KLHL29: variants seen among roughly 807,000 people sequenced by gnomAD.
KLHL29 encodes the protein kelch-like protein 29.
KLHL29 carries 21 observed loss-of-function variants against 80.4 expected under a neutral mutation model. The observed-to-expected ratio is 0.26, with a 90% confidence interval of 0.19 to 0.38. The LOEUF is 0.38. KLHL29 is among the 10% of genes least tolerant of loss of function. The probability of loss-of-function intolerance (pLI) is 1.00; values close to 1 mark genes in which losing one functional copy is unlikely to be tolerated. For synonymous variants in KLHL29, 511 were observed against 526.8 expected (o/e 0.97, Z 0.41); for missense variants, 867 against 1,223.9 (o/e 0.71, Z 4.35).
At chr2:23,433,695 C>A (rs560901728) in intron 1 of KLHL29, among the ~76,000 whole-genome samples, 39 of 152,280 alleles carry the variant, frequency 2.6e-4, no homozygotes, top group African/African-American at 8.9e-4. Flanking sequence ...AGGAGGACCG[C>A]TTGAAGCCAG....
chr2:23,509,916 G>A (rs1041117566), intron 2 of KLHL29, among the ~76,000 whole-genome samples: 12 of 152,110 alleles, frequency 7.9e-5, no homozygotes, highest in Admixed American at 3.9e-4. Flanking sequence ...GTATTGTGGC[G>A]AGTACAAGTC....
chr2:23,468,031 A>C (rs1220034662), intron 1 of KLHL29, among the ~76,000 whole-genome samples: 1 of 152,096 alleles, frequency 6.6e-6, no homozygotes, highest in Non-Finnish European at 1.5e-5. Context: ...CATGATCATT[A>C]TAATGGTTAT....
intron 2 of KLHL29, among the ~76,000 whole-genome samples, chr2:23,500,359 A>G (rs1477215315): frequency 1.3e-5 from 2 of 152,186 alleles, no homozygotes; most frequent in African/African-American, 4.8e-5. Flanking sequence ...AGAAAGTTTA[A>G]TTGTTAGAAT....
chr2:23,594,267 C>T (rs1024447297), intron 3 of KLHL29, among the ~76,000 whole-genome samples: 13 of 152,104 alleles, frequency 8.5e-5, no homozygotes, highest in Admixed American at 1.3e-4. Flanking sequence ...ATGGTAAAGC[C>T]GGGCACTCAG....
At chr2:23,698,126 A>C (rs887525646) in intron 11 of KLHL29, among the ~76,000 whole-genome samples, 1 of 152,238 alleles carries the variant, frequency 6.6e-6, no homozygotes, top group Non-Finnish European at 1.5e-5. Context: ...GGTTGCCTGT[A>C]TGGGCCTTCC....
intron 2 of KLHL29, among the ~76,000 whole-genome samples, chr2:23,559,503 T>A (rs876085): frequency 0.57 from 86,840 of 151,814 alleles, 27,575 homozygotes; most frequent in East Asian, 0.8. Flanking sequence ...AGGTCGTGGC[T>A]GCAGATGGAG....
intron 2 of KLHL29, among the ~76,000 whole-genome samples, chr2:23,505,048 C>G (rs1420027764): frequency 6.6e-6 from 1 of 152,206 alleles, no homozygotes; most frequent in Non-Finnish European, 1.5e-5. Flanking sequence ...GGAACAAAAC[C>G]CTTAAATCCT....
chr2:23,564,087 A>G (rs952118581), intron 3 of KLHL29, among the ~76,000 whole-genome samples: 25 of 152,360 alleles, frequency 1.6e-4, no homozygotes, highest in South Asian at 6.2e-4. Flanking sequence ...TCGGGGCTCC[A>G]GGTGGGAGAG....
intron 2 of KLHL29, among the ~76,000 whole-genome samples, chr2:23,499,818 G>T (rs1018141262): frequency 5.9e-5 from 9 of 152,268 alleles, no homozygotes; most frequent in African/African-American, 1.9e-4. Flanking sequence ...TTCCTCCATG[G>T]ACTGCTTAGG....
At chr2:23,473,800 G>A (rs958826585) in intron 1 of KLHL29, among the ~76,000 whole-genome samples, 2 of 152,144 alleles carry the variant, frequency 1.3e-5, no homozygotes, top group African/African-American at 4.8e-5. Flanking sequence ...CAATCAGGAT[G>A]CTCACCACTC....
intron 3 of KLHL29, among the ~76,000 whole-genome samples, chr2:23,627,583 G>T (rs1364660450): frequency 3.3e-5 from 5 of 152,210 alleles, no homozygotes; most frequent in African/African-American, 1.2e-4. Flanking sequence ...CTCCTTCGGT[G>T]CACCTTGCGT....
intron 2 of KLHL29, among the ~76,000 whole-genome samples, chr2:23,489,710 A>G (rs1665040489): frequency 6.6e-6 from 1 of 151,790 alleles, no homozygotes; most frequent in Non-Finnish European, 1.5e-5. Context: ...GCCCCGAGTG[A>G]ATGTGCCTGG....
intron 3 of KLHL29, among the ~76,000 whole-genome samples, chr2:23,624,158 G>A (rs1427895166): frequency 6.6e-6 from 1 of 152,130 alleles, no homozygotes; most frequent in Non-Finnish European, 1.5e-5. Context: ...ATGGCTGGAA[G>A]TCTAGCAATT....
At chr2:23,407,852 T>C (rs1417276583) in intron 1 of KLHL29, among the ~76,000 whole-genome samples, 1 of 152,216 alleles carries the variant, frequency 6.6e-6, no homozygotes, top group Non-Finnish European at 1.5e-5. Context: ...ATGATCTTTC[T>C]GTCCTCCCTG....
chr2:23,696,563 C>T lies in KLHL29; in HGVS notation c.2105+50C>T. The stretch of plus-strand genomic sequence containing the variant: ...GGGCATGCTCTTTGCTCACCAAGAA[C>T]TGAAATCACGTCACTCACTGTACCT... On this transcript the variant is annotated intron_variant, in intron 11 of 13. Transcript: ENST00000486442. This position sits in a 1 kb window ranked among gnomAD's most constrained non-coding sequence, Gnocchi z 5.5. 1 of 1,406,002 alleles carries T rather than the reference C, an allele frequency of 7.1e-7. No individual in the cohort carries two copies. Among genetic ancestry groups the T allele is most frequent in the Non-Finnish European group, 9.5e-7 (1 of 1,048,046 alleles). 87.1% of individuals were successfully genotyped at this position (1,406,002 alleles called of 1,614,324 possible).
Position 23,693,385 on chromosome 2 carries a change from G to T in KLHL29, c.1399G>T (p.Ala467Ser). 6.4e-7 allele frequency: 1 copy of T among 1,551,734 alleles called. No homozygotes were observed. Among genetic ancestry groups the T allele is most frequent in the Non-Finnish European group, 8.7e-7 (1 of 1,146,986 alleles). ...AFALQIFPEV[A>S]AQEEILSISK... ...CGCGCTGCAGATCTTCCCCGAGGTG[G>T]CCGCCCAGGAGGAGATCCTCAGCAT... Residue 467 changes from alanine to serine, a missense_variant, in exon 8 of 14, where the codon GCC (alanine) becomes TCC (serine). Physicochemically the swap from Ala to Ser is moderately conservative, Grantham distance 99 (BLOSUM62 1). Transcript: ENST00000486442.
intron 5 of KLHL29, among the ~76,000 whole-genome samples, chr2:23,663,376 GCCC>G (rs1465074404): frequency 6.6e-6 from 1 of 152,220 alleles, no homozygotes; most frequent in Non-Finnish European, 1.5e-5. Flanking sequence ...GGTTGCCTGT[GCCC>G]GGCAGGAGAA....
chr2:23,398,333 G>A (rs1031451662), intron 1 of KLHL29, among the ~76,000 whole-genome samples: 11 of 152,236 alleles, frequency 7.2e-5, no homozygotes, highest in African/African-American at 1.9e-4. Flanking sequence ...CCTTGAAGAC[G>A]TTATACTAAG....
intron 3 of KLHL29, among the ~76,000 whole-genome samples, chr2:23,575,370 T>C (rs1005447141): frequency 1.3e-5 from 2 of 152,200 alleles, no homozygotes; most frequent in Admixed American, 6.5e-5. Flanking sequence ...GTGTACACTT[T>C]AACCCTGTGC....
Sources: allele counts gnomAD v4.1 joint callset (sites outside exome capture counted in the v4.1 genomes callset), GRCh38; gene constraint gnomAD v4.1.1; non-coding constraint Gnocchi (gnomAD v3.1); transcripts MANE v1.5; gene names NCBI Gene and HGNC (gene_info 2026-07-23, HGNC 2026-07-21).